TMEM89: variants seen among roughly 807,000 people sequenced by gnomAD.
TMEM89 encodes transmembrane protein 89.
In TMEM89, 4 loss-of-function variants were observed where a neutral mutation model predicts 9.3. That is an observed-to-expected ratio of 0.43 (90% CI 0.21 to 0.98). The LOEUF is 0.98. Among genes scored for constraint, TMEM89 ranks in the 50% least tolerant of loss-of-function variants. The pLI is 0.27. For missense variants in TMEM89, 220 were observed against 214.7 expected, an observed-to-expected ratio of 1.02 and a Z score of -0.15; for synonymous variants, 96 against 92.5, an observed-to-expected ratio of 1.04 and a Z score of -0.21.
intron 1 of TMEM89, 113 bp downstream of exon 1, chr3:48,621,350 G>A (rs2046537844): frequency 4.6e-6 from 6 of 1,310,160 alleles, no homozygotes. Flanking sequence ...GGGGGTGTGG[G>A]AGGTCCACAG....
In TMEM89 at chr3:48,621,490, C is replaced by G; in HGVS notation, c.267G>C (p.Arg89=). The G allele has an allele frequency of 6.2e-7, 1 of 1,613,650 alleles. No individual in the cohort carries two copies. Among genetic ancestry groups the G allele is most frequent in the East Asian group, 2.2e-5 (1 of 44,882 alleles). ...LMICRKILQG[R]RRSQATKGEH... ...CACCCTTGGTGGCCTGTGAGCGCCG[C>G]CGCCCCTGCAGTATCTTGCGGCAGA... The change falls in exon 1 of 2, where the codon CGG becomes CGC. Residue 89 remains arginine (R), a synonymous_variant. Transcript: ENST00000330862.
rs1354885787 is a variant in TMEM89, at chr3:48,621,631, T to C, written c.126A>G (p.Pro42=). Residue 42 remains proline (P), a synonymous_variant, in exon 1 of 2, where the codon CCA becomes CCG. Coordinates refer to ENST00000330862, the MANE Select transcript of TMEM89 (RefSeq NM_001008269.3). Reference sequence around the variant, plus strand: ...CACCCCTACAGCCCTCCACACTCTTTGGCTGACACCCCCAGGGCTGCAAGT... The same window carrying C: ...CACCCCTACAGCCCTCCACACTCTTCGGCTGACACCCCCAGGGCTGCAAGT... The part of the protein sequence containing the change: ...GLDLQPWGCQ[P]KSVEGCRGGL... 1.2e-6 allele frequency: 2 copies of C among 1,613,842 alleles called. No homozygotes were observed. Among genetic ancestry groups the C allele is most frequent in the Non-Finnish European group, 1.7e-6 (2 of 1,179,986 alleles).
In TMEM89 at chr3:48,621,166, T is replaced by C. The variant is rs905089901; in HGVS notation, c.295-139A>G. The C allele has an allele frequency of 1.5e-4, 136 of 902,526 alleles. 1 individual carries two copies. Among genetic ancestry groups the C allele is most frequent in the Middle Eastern group, 1.4e-3 (4 of 2,962 alleles). 55.9% of individuals were successfully genotyped at this position (902,526 alleles called of 1,614,324 possible). On this transcript the variant is annotated intron_variant, in intron 1 of 1. Transcript: ENST00000330862. ...GGGATGGGAGGGAGACTCAGGGTGA[T>C]AGAGGATCACCGAGGGTCTGTTGTG...
intron 1 of TMEM89, 96 bp from the exon 2 acceptor site, chr3:48,621,123 G>T: frequency 7.9e-7 from 1 of 1,272,286 alleles, no homozygotes. Context: ...GGAGTAGGGT[G>T]TGGGGCAGTG....
At position 48,620,981 on chromosome 3, in the gene TMEM89, G is replaced by A. The variant is rs761838393; in HGVS notation, c.341C>T (p.Ala114Val). ...TEPCGPWKRR[A>V]PISDHTLLRG... Reference sequence around the variant, plus strand: ...GAGCAGGGTGTGGTCTGAGATTGGGGCCCGCCGTTTCCAGGGTCCGCAGGG... The same window carrying A: ...GAGCAGGGTGTGGTCTGAGATTGGGACCCGCCGTTTCCAGGGTCCGCAGGG... The change falls in exon 2 of 2, where the codon GCC becomes GTC. Residue 114 changes from alanine to valine, a missense_variant. Physicochemically the swap from Ala to Val is moderately conservative, Grantham distance 64. Coordinates refer to ENST00000330862, the MANE Select transcript of TMEM89 (RefSeq NM_001008269.3). The A allele has an allele frequency of 1.9e-6, 3 of 1,613,688 alleles. No individual in the cohort carries two copies. The African/African-American group carries it at 4.0e-5, about 22-fold the overall frequency.
Position 48,621,640 on chromosome 3 carries a change from C to A in TMEM89, c.117G>T (p.Gly39=), listed in dbSNP as rs765888432. 7 of 1,614,012 alleles carry A rather than the reference C, an allele frequency of 4.3e-6. No individual in the cohort carries two copies. The highest frequency in any genetic ancestry group is 3.3e-5 in the Admixed American group (2 of 60,010). Residue 39 remains glycine, a synonymous_variant, in exon 1 of 2, where the codon GGG becomes GGT. Coordinates refer to ENST00000330862, the MANE Select transcript of TMEM89 (RefSeq NM_001008269.3). ...AGCCCTCCACACTCTTTGGCTGACACCCCCAGGGCTGCAAGTCCAGCCCCA... is the reference window on the plus strand; with the variant it reads ...AGCCCTCCACACTCTTTGGCTGACAACCCCAGGGCTGCAAGTCCAGCCCCA... ...YQVGLDLQPW[G]CQPKSVEGCR...
In TMEM89 at chr3:48,620,817, CAGGCAAAGAG is replaced by C; in HGVS notation, c.*15_*24del. 1 of 1,612,368 alleles carries C rather than the reference CAGGCAAAGAG, an allele frequency of 6.2e-7. No homozygotes were observed. The highest frequency in any genetic ancestry group is 1.7e-5 in the Admixed American group (1 of 59,994). On this transcript the variant is annotated 3_prime_UTR_variant, in exon 2 of 2. Transcript: ENST00000330862. Reference sequence around the variant, plus strand: ...GACCTGGCCCAGGACCTCAGGCTGTCAGGCAAAGAGAGGCACATGTTCGGTCACCCACTCT... The same window carrying C: ...GACCTGGCCCAGGACCTCAGGCTGTCAGGCACATGTTCGGTCACCCACTCT...
At position 48,620,863 on chromosome 3, in the gene TMEM89, C is replaced by T; in HGVS notation, c.459G>A (p.Gly153=). The T allele has an allele frequency of 6.2e-7, 1 of 1,614,178 alleles. No individual in the cohort carries two copies. Among genetic ancestry groups the T allele is most frequent in the Non-Finnish European group, 8.5e-7 (1 of 1,180,022 alleles). The change falls in exon 2 of 2, where the codon GGG becomes GGA. Residue 153 remains glycine (G), a synonymous_variant. Transcript: ENST00000330862. ...LATQRQIQIK[G]TSTQSG The stretch of plus-strand genomic sequence containing the variant: ...TCGGTCACCCACTCTGGGTGGAAGT[C>T]CCCTTTATTTGGATTTGCCGCTGGG...
Position 48,620,788 on chromosome 3 carries a change from A to G in TMEM89, c.*54T>C. 2 of 1,557,200 alleles carry G rather than the reference A, an allele frequency of 1.3e-6. No homozygotes were observed. The highest frequency in any genetic ancestry group is 1.8e-6 in the Non-Finnish European group (2 of 1,129,914). ...ACACGGTCCAGACAGGCCTGGAAAG[A>G]GCAGACCTGGCCCAGGACCTCAGGC... On this transcript the variant is annotated 3_prime_UTR_variant, in exon 2 of 2. Coordinates refer to ENST00000330862, the MANE Select transcript of TMEM89 (RefSeq NM_001008269.3).
chr3:48,621,402 C>CT (rs754311710), intron 1 of TMEM89, 61 bp downstream of exon 1: 1 of 1,571,984 alleles, frequency 6.4e-7, no homozygotes. Context: ...GGAAGACGGG[C>CT]TCACTGAGCG....
At position 48,621,580 on chromosome 3, in the gene TMEM89, C is replaced by T. The variant is rs1464196265; in HGVS notation, c.177G>A (p.Leu59=). The change falls in exon 1 of 2, where the codon CTG becomes CTA. Residue 59 remains leucine, a synonymous_variant. Coordinates refer to ENST00000330862, the MANE Select transcript of TMEM89 (RefSeq NM_001008269.3). ...GGTAGATGCGGCTTGCTCCAGGGCC[C>T]AGCCAGTAGCCAGGACAGCTCAGGC... ...RGGLSCPGYW[L]GPGASRIYPV... is the part of the protein sequence containing the mutation. 1.2e-6 allele frequency: 2 copies of T among 1,613,760 alleles called. No homozygotes were observed. The highest frequency in any genetic ancestry group is 1.7e-6 in the Non-Finnish European group (2 of 1,179,988).
rs780352072 is a variant in TMEM89 at position 48,621,016 on chromosome 3, C to T, written c.306G>A (p.Val102=). ...TCCAGGGTCCGCAGGGCTCAGTGGTCACCTGCGGATGCTGAGACCAGGACC... is the reference window on the plus strand; with the variant it reads ...TCCAGGGTCCGCAGGGCTCAGTGGTTACCTGCGGATGCTGAGACCAGGACC... ...SQATKGEHPQ[V]TTEPCGPWKR... is the part of the protein sequence containing the mutation. The change falls in exon 2 of 2, where the codon GTG becomes GTA. Residue 102 remains valine (V), a synonymous_variant. Transcript: ENST00000330862. 1.2e-6 allele frequency: 2 copies of T among 1,613,536 alleles called. No homozygotes were observed. The highest frequency in any genetic ancestry group is 2.7e-5 in the African/African-American group (2 of 74,852).
At position 48,620,823 on chromosome 3, in the gene TMEM89, A is replaced by G. The variant is rs376685946; in HGVS notation, c.*19T>C. On this transcript the variant is annotated 3_prime_UTR_variant, in exon 2 of 2. Transcript: ENST00000330862. ...GCCCAGGACCTCAGGCTGTCAGGCA[A>G]AGAGAGGCACATGTTCGGTCACCCA... 5.8e-5 allele frequency: 94 copies of G among 1,613,166 alleles called. No individual in the cohort carries two copies. Among genetic ancestry groups the G allele is most frequent in the Non-Finnish European group, 7.0e-5 (82 of 1,179,152 alleles).
chr3:48,621,659 A>G lies in TMEM89; in HGVS notation c.98T>C (p.Leu33Pro), dbSNP rs1472149262. Residue 33 changes from leucine to proline, a missense_variant, in exon 1 of 2, where the codon CTG (leucine) becomes CCG (proline). Transcript: ENST00000330862. ...WSRPLWYQVG[L>P]DLQPWGCQPK... ...CTGACACCCCCAGGGCTGCAAGTCCAGCCCCACCTGGTACCAGAGGGGTCT... is the reference window on the plus strand; with the variant it reads ...CTGACACCCCCAGGGCTGCAAGTCCGGCCCCACCTGGTACCAGAGGGGTCT... 2 of 1,613,862 alleles carry G rather than the reference A, an allele frequency of 1.2e-6. No individual in the cohort carries two copies. Among genetic ancestry groups the G allele is most frequent in the African/African-American group, 2.7e-5 (2 of 74,934 alleles).
rs780405236 is a variant in TMEM89 at position 48,620,966 on chromosome 3, T to C, written c.356A>G (p.His119Arg). The change falls in exon 2 of 2, where the codon CAC (histidine) becomes CGC (arginine). Residue 119 changes from histidine to arginine, a missense_variant. His to Arg is a conservative substitution (Grantham distance 29). Transcript: ENST00000330862. The part of the protein sequence containing the change: ...PWKRRAPISD[H>R]TLLRGVLHML... ...GTGCAGGACCCCACGGAGCAGGGTG[T>C]GGTCTGAGATTGGGGCCCGCCGTTT... 47 of 1,613,832 alleles carry C rather than the reference T, an allele frequency of 2.9e-5. No individual in the cohort carries two copies. Among genetic ancestry groups the C allele is most frequent in the Non-Finnish European group, 3.8e-5 (45 of 1,180,004 alleles).
intron 1 of TMEM89, 61 bp from the exon 2 acceptor site, chr3:48,621,088 G>C (rs1212106838): frequency 1.3e-6 from 2 of 1,551,390 alleles, no homozygotes; most frequent in East Asian, 4.5e-5. Flanking sequence ...ATGTGACAAG[G>C]GGCAGTGATG....
At chr3:48,621,376 T>C in intron 1 of TMEM89, 87 bp downstream of exon 1, 2 of 1,478,042 alleles carry the variant, frequency 1.4e-6, no homozygotes, top group Non-Finnish European at 1.8e-6. Flanking sequence ...TGTGGACCCA[T>C]GGGGCAGGGT....
rs1216265041 is a variant in TMEM89 at position 48,620,994 on chromosome 3, A to T, written c.328T>A (p.Trp110Arg). ...PQVTTEPCGPWKRRAPISDHT... is the reference protein window; with the variant it reads ...PQVTTEPCGPRKRRAPISDHT... ...TCTGAGATTGGGGCCCGCCGTTTCC[A>T]GGGTCCGCAGGGCTCAGTGGTCACC... Residue 110 changes from tryptophan (W) to arginine (R), a missense_variant, in exon 2 of 2, where the codon TGG (tryptophan) becomes AGG (arginine). Transcript: ENST00000330862. 6.2e-7 allele frequency: 1 copy of T among 1,614,090 alleles called. No homozygotes were observed. Among genetic ancestry groups the T allele is most frequent in the South Asian group, 1.1e-5 (1 of 91,076 alleles).
rs535206068 is a variant in TMEM89 at position 48,621,025 on chromosome 3, A to G, written c.297T>C (p.His99=). The change falls in exon 2 of 2, where the codon CAT becomes CAC. Residue 99 remains histidine (H), a splice_region_variant and synonymous_variant. Coordinates refer to ENST00000330862, the MANE Select transcript of TMEM89 (RefSeq NM_001008269.3). The stretch of plus-strand genomic sequence containing the variant: ...CGCAGGGCTCAGTGGTCACCTGCGG[A>G]TGCTGAGACCAGGACCAAGAGGCAG... ...RRRSQATKGE[H]PQVTTEPCGP... 22 of 1,613,408 alleles carry G rather than the reference A, an allele frequency of 1.4e-5. No individual in the cohort carries two copies. In the South Asian group the frequency reaches 2.4e-4, roughly 18 times the overall value.
Sources: allele counts gnomAD v4.1 joint callset, GRCh38; gene constraint gnomAD v4.1.1; transcripts MANE v1.5; gene names NCBI Gene and HGNC (gene_info 2026-07-23, HGNC 2026-07-21).